The following PTN variants were observed in gnomAD, a reference collection of about 807,000 sequenced individuals.
The protein encoded by PTN is heparin affin regulatory protein.
Under a neutral mutation model 24.1 loss-of-function variants are expected in PTN, and 18 were observed. The ratio of observed to expected loss-of-function variants is 0.75; its 90% CI spans 0.52 to 1.11. PTN has a LOEUF of 1.11. PTN is among the 50% of genes least tolerant of loss of function. PTN has a pLI of 0.00. For synonymous variants in PTN, 78 were observed against 68.6 expected, an observed-to-expected ratio of 1.14 and a Z score of -0.67; for missense variants, 163 against 198.8, an observed-to-expected ratio of 0.82 and a Z score of 1.08.
intron 1 of PTN, among the ~76,000 whole-genome samples, chr7:137,333,093 G>A (rs1201457851): frequency 1.3e-5 from 2 of 152,106 alleles, no homozygotes; most frequent in African/African-American, 4.8e-5. Context: ...TCCCTGGTGG[G>A]TTTTGGGAGG....
At chr7:137,237,635 A>C (rs1373092720) in intron 4 of PTN, among the ~76,000 whole-genome samples, 1 of 152,196 alleles carries the variant, frequency 6.6e-6, no homozygotes, top group Non-Finnish European at 1.5e-5. Flanking sequence ...GTGATTTCAC[A>C]AATCTTACTG....
At chr7:137,230,153 G>T (rs1445334722) in intron 4 of PTN, among the ~76,000 whole-genome samples, 1 of 151,776 alleles carries the variant, frequency 6.6e-6, no homozygotes, top group Non-Finnish European at 1.5e-5. Flanking sequence ...TTGTATAAAA[G>T]TTTCATAAAA....
chr7:137,294,173 T>C (rs904623349), intron 1 of PTN, among the ~76,000 whole-genome samples: 6 of 152,132 alleles, frequency 3.9e-5, no homozygotes, highest in African/African-American at 1.4e-4. Context: ...TTCTTTTTAT[T>C]ATTGTTGTTG....
chr7:137,310,581 T>C (rs1389135344), intron 1 of PTN, among the ~76,000 whole-genome samples: 1 of 151,926 alleles, frequency 6.6e-6, no homozygotes, highest in Non-Finnish European at 1.5e-5. Context: ...TTTTTTTGTA[T>C]TTTTAGTAGA....
rs138757705 is a variant in PTN at position 137,240,382 on chromosome 7, CA to C, written c.451+10847del. Among the ~76,000 whole-genome samples the C allele has an allele frequency of 7.1e-3, 1,077 of 152,262 alleles. 33 individuals carry two copies. Among genetic ancestry groups the C allele is most frequent in the East Asian group, 0.052 (270 of 5,168 alleles). ...TAAAGGACTCTCCACTTCTCTGTCT[CA>C]TAGCATTTGCCACTCTATGTGGTAC... On this transcript the variant is annotated intron_variant, in intron 4 of 4. Coordinates refer to ENST00000348225, the MANE Select transcript of PTN (RefSeq NM_002825.7).
chr7:137,331,084 C>T lies in PTN; in HGVS notation c.-2+12355G>A, dbSNP rs1005695260. 2.0e-5 allele frequency among the ~76,000 whole-genome samples: 3 copies of T among 152,160 alleles called. No individual in the cohort carries two copies. The East Asian group carries it at 5.8e-4, about 29-fold the overall frequency. The stretch of plus-strand genomic sequence containing the variant: ...CCTCAGTTCAAGTCCAATGCTGTTT[C>T]TTTTGTCTTATTGGTCTTGCTGCCT... On this transcript the variant is annotated intron_variant, in intron 1 of 4. Coordinates refer to ENST00000348225, the MANE Select transcript of PTN (RefSeq NM_002825.7).
rs928594330 is a variant in PTN, at chr7:137,227,925, T to C, written c.*95A>G. ...TGCTTATTGTGTACTTAGCTATAGATAATTTTTGAATACAAAGCCTACGGT... is the reference window on the plus strand; with the variant it reads ...TGCTTATTGTGTACTTAGCTATAGACAATTTTTGAATACAAAGCCTACGGT... On this transcript the variant is annotated 3_prime_UTR_variant, in exon 5 of 5. Coordinates refer to ENST00000348225, the MANE Select transcript of PTN (RefSeq NM_002825.7). 7 of 1,501,092 alleles carry C rather than the reference T, an allele frequency of 4.7e-6. No individual in the cohort carries two copies. Among genetic ancestry groups the C allele is most frequent in the Non-Finnish European group, 6.2e-6 (7 of 1,126,138 alleles). The allele number at this position is 1,501,092 out of a possible 1,614,324, so 93.0% of individuals were successfully genotyped here.
intron 1 of PTN, among the ~76,000 whole-genome samples, chr7:137,337,778 T>C (rs978593391): frequency 6.6e-6 from 1 of 152,124 alleles, no homozygotes; most frequent in Non-Finnish European, 1.5e-5. Context: ...AGAATGGGAA[T>C]GCTTGGGCTT....
intron 1 of PTN, among the ~76,000 whole-genome samples, chr7:137,302,776 G>T (rs547125865): frequency 6.6e-6 from 1 of 152,030 alleles, no homozygotes; most frequent in East Asian, 1.9e-4. Context: ...TTCTTCTGTA[G>T]GGAGGTAACT....
At chr7:137,320,842 G>A (rs1315329584) in intron 1 of PTN, among the ~76,000 whole-genome samples, 1 of 152,108 alleles carries the variant, frequency 6.6e-6, no homozygotes, top group African/African-American at 2.4e-5. Context: ...TTGTCAACCT[G>A]CCCTACAGGA....
At chr7:137,254,376 G>A (rs1808881428) in intron 2 of PTN, among the ~76,000 whole-genome samples, 1 of 151,948 alleles carries the variant, frequency 6.6e-6, no homozygotes, top group Non-Finnish European at 1.5e-5. Flanking sequence ...CCTTGTAGAA[G>A]GAATGACATC....
chr7:137,288,692 A>G (rs182837486), intron 1 of PTN, among the ~76,000 whole-genome samples: 1 of 152,314 alleles, frequency 6.6e-6, no homozygotes, highest in Admixed American at 6.5e-5. Flanking sequence ...GATGGAAATA[A>G]ACATTTATTT....
intron 4 of PTN, among the ~76,000 whole-genome samples, chr7:137,234,487 G>C (rs1255304089): frequency 6.6e-6 from 1 of 152,018 alleles, no homozygotes; most frequent in African/African-American, 2.4e-5. Context: ...ACTCTTGAAA[G>C]GCAAATAATC....
At chr7:137,228,131 T>C in intron 4 of PTN, 56 bp from the exon 5 acceptor site, 1 of 1,135,880 alleles carries the variant, frequency 8.8e-7, no homozygotes, top group Non-Finnish European at 1.3e-6. Flanking sequence ...GTCAAGTTAC[T>C]AAATTGCAGG....
At chr7:137,312,621 T>G (rs558328738) in intron 1 of PTN, among the ~76,000 whole-genome samples, 5 of 152,198 alleles carry the variant, frequency 3.3e-5, no homozygotes, top group Non-Finnish European at 7.3e-5. Context: ...TCATATTTAT[T>G]GAAAAATGTG....
intron 4 of PTN, among the ~76,000 whole-genome samples, chr7:137,230,443 C>G (rs374242597): frequency 6.6e-6 from 1 of 151,604 alleles, no homozygotes; most frequent in South Asian, 2.1e-4. Context: ...GTCCGGACAC[C>G]CTGCAGAACT....
intron 1 of PTN, among the ~76,000 whole-genome samples, chr7:137,290,085 C>T (rs984593543): frequency 2.0e-5 from 3 of 152,124 alleles, no homozygotes; most frequent in Non-Finnish European, 4.4e-5. Context: ...CAAGGAGGAG[C>T]AAGTCACGTC....
chr7:137,294,237 G>A (rs539581584), intron 1 of PTN, among the ~76,000 whole-genome samples: 11 of 152,116 alleles, frequency 7.2e-5, no homozygotes, highest in African/African-American at 2.6e-4. Context: ...GCCATAGCTC[G>A]GGTGTTGAAT....
chr7:137,325,767 G>T (rs1810249051), intron 1 of PTN: 1 of 152,190 alleles, frequency 6.6e-6, no homozygotes, highest in Non-Finnish European at 1.5e-5. Context: ...AAAACAAGCA[G>T]TTTCAAGAAA....
Sources: allele counts gnomAD v4.1 joint callset (sites outside exome capture counted in the v4.1 genomes callset), GRCh38; gene constraint gnomAD v4.1.1; transcripts MANE v1.5; gene names NCBI Gene and HGNC (gene_info 2026-07-23, HGNC 2026-07-21).